PGAP2: variants seen among roughly 807,000 people sequenced by gnomAD.
PGAP2 encodes post-GPI attachment to proteins 2, also known as acyltransferase PGAP2.
A neutral mutation model predicts 33.2 loss-of-function variants in PGAP2; 21 were observed. That is an observed-to-expected ratio of 0.63 (90% CI 0.45 to 0.91). The LOEUF (loss-of-function observed/expected upper bound fraction) is 0.91, where lower values mean the gene tolerates loss of function less well. Among genes scored for constraint, PGAP2 ranks in the 40% least tolerant of loss-of-function variants. The pLI, the probability that PGAP2 is intolerant of heterozygous loss-of-function variation, is 0.00. For synonymous variants in PGAP2, 161 were observed against 172.9 expected (o/e 0.93, Z 0.54); for missense variants, 345 against 424.0 (o/e 0.81, Z 1.64).
chr11:3,815,083 A>G (rs894191004), intron 2 of PGAP2, among the ~76,000 whole-genome samples: 1 of 151,468 alleles, frequency 6.6e-6, no homozygotes, highest in Non-Finnish European at 1.5e-5. Context: ...GATTACAGGC[A>G]TGCACCACCG....
chr11:3,802,668 A>T (rs1464430280), intron 1 of PGAP2, among the ~76,000 whole-genome samples: 1 of 152,174 alleles, frequency 6.6e-6, no homozygotes, highest in Non-Finnish European at 1.5e-5. Flanking sequence ...TTGTGGAAGG[A>T]TGAGACTTCT....
At chr11:3,825,161 G>A in intron 6 of PGAP2, 33 bp downstream of exon 6, 2 of 1,604,760 alleles carry the variant, frequency 1.2e-6, no homozygotes, top group Non-Finnish European at 1.7e-6. Flanking sequence ...AGGCGGTCAT[G>A]AGTGGCTGCG....
At chr11:3,822,299 G>A (rs763005501) in intron 3 of PGAP2, among the ~76,000 whole-genome samples, 87 of 152,160 alleles carry the variant, frequency 5.7e-4, no homozygotes, top group Non-Finnish European at 1.0e-3. Flanking sequence ...GGGAGGCGGA[G>A]CTTGCAGTGA....
At chr11:3,798,040 A>T (rs1439758930) in intron 1 of PGAP2, 2 of 1,529,540 alleles carry the variant, frequency 1.3e-6, no homozygotes, top group African/African-American at 2.8e-5. Flanking sequence ...AAGGCTTCCT[A>T]GTCTCTCTGC....
chr11:3,798,877 A>G (rs1053430788), intron 1 of PGAP2, among the ~76,000 whole-genome samples: 1 of 152,006 alleles, frequency 6.6e-6, no homozygotes, highest in Non-Finnish European at 1.5e-5. Flanking sequence ...TCCGGAACTC[A>G]GGTGATCCGC....
intron 2 of PGAP2, among the ~76,000 whole-genome samples, chr11:3,812,357 A>G (rs1285981553): frequency 6.6e-6 from 1 of 152,130 alleles, no homozygotes; most frequent in African/African-American, 2.4e-5. Context: ...TGAGCCTAGA[A>G]GTCTGAGGCT....
In PGAP2 at chr11:3,825,403, A is replaced by G; in HGVS notation, c.893A>G (p.Asp298Gly). 1 of 1,613,932 alleles carries G rather than the reference A, an allele frequency of 6.2e-7. No individual in the cohort carries two copies. Among genetic ancestry groups the G allele is most frequent in the South Asian group, 1.1e-5 (1 of 91,068 alleles). Residue 298 changes from aspartate to glycine, a missense_variant, in exon 7 of 7, where the codon GAC (aspartate) becomes GGC (glycine). Physicochemically the swap from Asp to Gly is moderately conservative, Grantham distance 94. Transcript: ENST00000278243. The stretch of plus-strand genomic sequence containing the variant: ...GCGTTCCACATGACGGCCTGGTGGG[A>G]CTTCGGGAACAAGGAGCTGCTCATA... ...NMAFHMTAWW[D>G]FGNKELLITS...
chr11:3,805,167 A>G (rs1428359615), upstream of PGAP2, among the ~76,000 whole-genome samples: 1 of 152,172 alleles, frequency 6.6e-6, no homozygotes, highest in Non-Finnish European at 1.5e-5. Flanking sequence ...TGACATGTCT[A>G]ATCATAATGA....
upstream of PGAP2, among the ~76,000 whole-genome samples, chr11:3,805,786 A>G (rs1341603863): frequency 1.3e-5 from 2 of 151,700 alleles, no homozygotes; most frequent in African/African-American, 4.8e-5. Context: ...TCCCAGGTTC[A>G]GGTGATTCTC....
At chr11:3,821,287 T>C (rs2088565597) in intron 3 of PGAP2, among the ~76,000 whole-genome samples, 1 of 152,218 alleles carries the variant, frequency 6.6e-6, no homozygotes, top group Non-Finnish European at 1.5e-5. Context: ...AAGAAAGGAA[T>C]GATGGTCCTT....
rs2085465576 is a variant in PGAP2, at chr11:3,811,106, C to T, written c.-10-144C>T. 1 of 624,498 alleles carries T rather than the reference C, an allele frequency of 1.6e-6. No individual in the cohort carries two copies. Among genetic ancestry groups the T allele is most frequent in the Admixed American group, 3.0e-5 (1 of 33,720 alleles). The allele number at this position is 624,498 out of a possible 1,614,324, so 38.7% of individuals were successfully genotyped here. A position where few individuals can be genotyped will look rare whatever the true frequency, so the allele number is the denominator to read the frequency against. On this transcript the variant is annotated intron_variant, in intron 1 of 6. Transcript: ENST00000278243. The surrounding 1 kb of genome is among the most constrained non-coding windows in gnomAD (Gnocchi z 4.6). The stretch of plus-strand genomic sequence containing the variant: ...CAGTCTTCCTCATCCAGGGCAAGAG[C>T]TATCCAAGTTTAGGTGCCTTCCTCC...
At chr11:3,799,731 G>C (rs1421812205) in intron 1 of PGAP2, among the ~76,000 whole-genome samples, 1 of 152,046 alleles carries the variant, frequency 6.6e-6, no homozygotes, top group Non-Finnish European at 1.5e-5. Context: ...GCACTGGGGA[G>C]TTCAAGGTAG....
At chr11:3,805,926 C>A (rs2084247708), upstream of PGAP2, among the ~76,000 whole-genome samples, 1 of 151,862 alleles carries the variant, frequency 6.6e-6, no homozygotes, top group Non-Finnish European at 1.5e-5. Context: ...ACCTTGTGAT[C>A]CGCCCACCTT....
intron 1 of PGAP2, among the ~76,000 whole-genome samples, chr11:3,810,150 C>T (rs1033634163): frequency 6.6e-6 from 1 of 152,178 alleles, no homozygotes; most frequent in African/African-American, 2.4e-5. Context: ...GTCTTGGTTT[C>T]TCTATCTTTA....
chr11:3,817,751 A>G (rs1309205263), intron 3 of PGAP2: 1 of 686,798 alleles, frequency 1.5e-6, no homozygotes, highest in Non-Finnish European at 2.7e-6. Context: ...ATGATGATAG[A>G]AATGCAAGGG....
At chr11:3,805,621 C>A (rs1279105713), upstream of PGAP2, among the ~76,000 whole-genome samples, 1 of 149,698 alleles carries the variant, frequency 6.7e-6, no homozygotes, top group East Asian at 2.1e-4. Context: ...GTAATCCCAG[C>A]ACTTTGGGAG....
intron 3 of PGAP2, among the ~76,000 whole-genome samples, chr11:3,823,321 C>T (rs753178147): frequency 6.6e-6 from 1 of 152,076 alleles, no homozygotes; most frequent in Non-Finnish European, 1.5e-5. Context: ...CAGATGTGAG[C>T]CATCGTGCCC....
rs2089914920 is a variant in PGAP2, at chr11:3,825,722, C to CA, written c.*264_*265insA. On this transcript the variant is annotated 3_prime_UTR_variant, in exon 7 of 7. Coordinates refer to ENST00000278243, the MANE Select transcript of PGAP2 (RefSeq NM_014489.4). ...TGGCAGAGAGCTCCACCATTTGGTG[C>CA]TAAAAAAAAAAACGTCCTGAGGTTC... 6.1e-5 allele frequency: 12 copies of CA among 197,626 alleles called. No homozygotes were observed. The highest frequency in any genetic ancestry group is 9.8e-5 in the Non-Finnish European group (10 of 102,554). 12.2% of individuals were successfully genotyped at this position (197,626 alleles called of 1,614,324 possible).
At chr11:3,819,081 C>G (rs1011239375) in intron 3 of PGAP2, among the ~76,000 whole-genome samples, 8 of 152,360 alleles carry the variant, frequency 5.3e-5, no homozygotes, top group Admixed American at 4.6e-4. Context: ...CAGGATCTCA[C>G]TCTGTCTCCC....
Sources: gnomAD v4.1 joint callset for allele counts (sites outside exome capture counted in the v4.1 genomes callset) on GRCh38, gnomAD v4.1.1 for gene constraint, Gnocchi (gnomAD v3.1) non-coding constraint, MANE v1.5 for transcripts, NCBI Gene and HGNC (gene_info 2026-07-23, HGNC 2026-07-21) for gene names.